The following GRK7 variants were observed in gnomAD, a reference collection of about 807,000 sequenced individuals.
GRK7 encodes rhodopsin kinase GRK7.
In GRK7, 24 loss-of-function variants were observed where a neutral mutation model predicts 34.1. The ratio of observed to expected loss-of-function variants is 0.70; its 90% CI spans 0.51 to 0.99. The LOEUF is 0.99. Ranked by LOEUF, GRK7 falls within the 50% of genes least tolerant of loss-of-function variation. GRK7 has a pLI of 0.00. For missense variants in GRK7, 644 were observed against 707.3 expected (o/e 0.91, Z 1.02); for synonymous variants, 256 against 279.4 (o/e 0.92, Z 0.84).
intron 1 of GRK7, among the ~76,000 whole-genome samples, 130 bp from the exon 2 acceptor site, chr3:141,774,448 GAA>G (rs2084630117): frequency 6.6e-6 from 1 of 151,978 alleles, no homozygotes; most frequent in African/African-American, 2.4e-5. Context: ...AAAAAAGAAA[GAA>G]AAAGAAAATG....
chr3:141,756,659 A>G, the GRK7 span, among the ~76,000 whole-genome samples: 1 of 152,110 alleles, frequency 6.6e-6, no homozygotes, highest in Non-Finnish European at 1.5e-5. Context: ...TCTATGTAAA[A>G]CCTGAATTTT....
At chr3:141,813,182 A>G (rs1312181554) in intron 5 of GRK7, among the ~76,000 whole-genome samples, 1 of 152,158 alleles carries the variant, frequency 6.6e-6, no homozygotes, top group Non-Finnish European at 1.5e-5. Context: ...CTGGACTGCA[A>G]TGGCCCGATC....
chr3:141,783,251 A>G (rs1410649446), intron 4 of GRK7, among the ~76,000 whole-genome samples: 1 of 152,236 alleles, frequency 6.6e-6, no homozygotes, highest in Admixed American at 6.5e-5. Flanking sequence ...CTGCAGAGGA[A>G]GCTGACAAAT....
intron 2 of GRK7, among the ~76,000 whole-genome samples, chr3:141,775,481 T>G (rs762047404): frequency 1.6e-4 from 25 of 152,314 alleles, no homozygotes; most frequent in Middle Eastern, 3.4e-3. Flanking sequence ...AAAAACTCCC[T>G]CTTTTTAAGA....
At chr3:141,786,074 C>A (rs529810463) in intron 4 of GRK7, among the ~76,000 whole-genome samples, 1 of 152,198 alleles carries the variant, frequency 6.6e-6, no homozygotes, top group African/African-American at 2.4e-5. Context: ...CTGCTTATAG[C>A]CCATTAGCCA....
chr3:141,797,809 A>G (rs2107888022), intron 4 of GRK7, among the ~76,000 whole-genome samples: 1 of 151,900 alleles, frequency 6.6e-6, no homozygotes, highest in South Asian at 2.1e-4. Flanking sequence ...TTCTTTTGAT[A>G]GTGGAATTGG....
At chr3:141,774,392 A>G (rs1241311887) in intron 1 of GRK7, among the ~76,000 whole-genome samples, 188 bp from the exon 2 acceptor site, 1 of 152,150 alleles carries the variant, frequency 6.6e-6, no homozygotes, top group Non-Finnish European at 1.5e-5. Flanking sequence ...ACTGCACATT[A>G]GCCTGGGCAA....
intron 1 of GRK7, among the ~76,000 whole-genome samples, chr3:141,766,153 GCTTAA>G (rs1559837442): frequency 4.9e-5 from 5 of 102,990 alleles, no homozygotes; most frequent in African/African-American, 1.7e-4. Flanking sequence ...ACATTTACAC[GCTTAA>G]CTTAATTTTT....
chr3:141,782,536 G>T (rs1340810069), intron 4 of GRK7, among the ~76,000 whole-genome samples: 25 of 152,174 alleles, frequency 1.6e-4, no homozygotes, highest in Non-Finnish European at 1.5e-5. Flanking sequence ...TGGGATAGAC[G>T]TGGGGATTTG....
chr3:141,797,249 G>T (rs1468371952), intron 4 of GRK7, among the ~76,000 whole-genome samples: 1 of 152,226 alleles, frequency 6.6e-6, no homozygotes, highest in African/African-American at 2.4e-5. Context: ...CGCCCAGGAA[G>T]TGGCGGCAGA....
intron 4 of GRK7, among the ~76,000 whole-genome samples, chr3:141,782,856 T>C (rs1385403470): frequency 6.6e-6 from 1 of 150,888 alleles, no homozygotes; most frequent in African/African-American, 2.4e-5. Context: ...AGTGATATAG[T>C]CATAGGAGCT....
chr3:141,750,209 C>T, the GRK7 span, among the ~76,000 whole-genome samples: 1 of 152,178 alleles, frequency 6.6e-6, no homozygotes, highest in Admixed American at 6.5e-5. Context: ...ATTTTCATAG[C>T]CTTTCAGAAT....
chr3:141,794,722 A>C lies in GRK7; in HGVS notation c.1051-12923A>C, dbSNP rs547082797. On this transcript the variant is annotated intron_variant, in intron 4 of 5. Coordinates refer to ENST00000682958, the MANE Select transcript of GRK7 (RefSeq NM_139209.3). The stretch of plus-strand genomic sequence containing the variant: ...ATCCAGGTAAGAGGTGATGGGGCTC[A>C]GACCACAGAGGGAGTAGTGGAGACA... 2.6e-4 allele frequency among the ~76,000 whole-genome samples: 39 copies of C among 152,362 alleles called. No individual in the cohort carries two copies. In the South Asian group the frequency reaches 7.7e-3, roughly 30 times the overall value.
intron 4 of GRK7, among the ~76,000 whole-genome samples, chr3:141,801,895 C>T (rs1277228346): frequency 6.6e-6 from 1 of 152,010 alleles, no homozygotes; most frequent in Admixed American, 6.6e-5. Context: ...TAATAAAATA[C>T]TTTTTTAAAA....
intron 3 of GRK7, among the ~76,000 whole-genome samples, chr3:141,779,406 A>C (rs909458602): frequency 7.1e-6 from 1 of 140,202 alleles, no homozygotes; most frequent in Non-Finnish European, 1.5e-5. Flanking sequence ...ACAGAGCAAG[A>C]CTCAAAAAAA....
rs888654563 is a variant in GRK7, at chr3:141,804,599, TCA to T, written c.1051-3040_1051-3039del. Among the ~76,000 whole-genome samples, 5 of 148,208 alleles carry T rather than the reference TCA, an allele frequency of 3.4e-5. No individual in the cohort carries two copies. In the East Asian group the frequency reaches 6.0e-4, roughly 18 times the overall value. On this transcript the variant is annotated intron_variant, in intron 4 of 5. Coordinates refer to ENST00000682958, the MANE Select transcript of GRK7 (RefSeq NM_139209.3). Reference sequence around the variant, plus strand: ...CATACACACATACACATACAGGCACTCACACACGCATACACACGCTCATACAT... The same window carrying T: ...CATACACACATACACATACAGGCACTCACACGCATACACACGCTCATACAT...
intron 3 of GRK7, 74 bp from the exon 4 acceptor site, chr3:141,780,300 C>T (rs2084665354): frequency 7.9e-7 from 1 of 1,273,710 alleles, no homozygotes; most frequent in Non-Finnish European, 1.1e-6. Flanking sequence ...CACCCACCTC[C>T]TCCTTTATCA....
chr3:141,806,334 G>A (rs112118418), intron 4 of GRK7, among the ~76,000 whole-genome samples: 19,682 of 151,932 alleles, frequency 0.13, 2,645 homozygotes, highest in African/African-American at 0.35. Flanking sequence ...AGGCCGAGGC[G>A]GGAGGATCAC....
At chr3:141,783,965 T>G (rs1254552002) in intron 4 of GRK7, among the ~76,000 whole-genome samples, 1 of 152,104 alleles carries the variant, frequency 6.6e-6, no homozygotes, top group Non-Finnish European at 1.5e-5. Context: ...AAAACTGAAG[T>G]GCAGCACTTC....
Sources: gnomAD v4.1 joint callset for allele counts (sites outside exome capture counted in the v4.1 genomes callset) on GRCh38, gnomAD v4.1.1 for gene constraint, MANE v1.5 for transcripts, NCBI Gene and HGNC (gene_info 2026-07-23, HGNC 2026-07-21) for gene names.